HJV: variants seen among roughly 807,000 people sequenced by gnomAD.
HJV encodes hemojuvelin BMP co-receptor.
HJV carries 18 observed loss-of-function variants against 22.7 expected under a neutral mutation model. The observed-to-expected ratio is 0.79, with a 90% CI of 0.55 to 1.18. HJV has a LOEUF of 1.18. HJV is among the 50% of genes most tolerant of loss of function. HJV has a pLI of 0.00. For missense variants in HJV, 572 were observed against 553.0 expected (o/e 1.03, Z -0.34); for synonymous variants, 229 against 222.7 (o/e 1.03, Z -0.25).
rs782121676 is a variant in HJV at position 146,019,590 on chromosome 1, C to G, written c.242G>C (p.Arg81Pro). 1.2e-5 allele frequency: 20 copies of G among 1,613,462 alleles called. No individual in the cohort carries two copies. The highest frequency in any genetic ancestry group is 1.6e-4 in the Middle Eastern group (1 of 6,076). ...GCAGAGCGCATAGGAGCGGAGGGCT[C>G]GACAGAGGCCGCCAGAGCCCACCCC... The part of the protein sequence containing the change: ...GGGVGSGGLC[R>P]ALRSYALCTR... The change falls in exon 3 of 4, where the codon CGA becomes CCA. Residue 81 changes from arginine to proline, a missense_variant. Transcript: ENST00000336751.
At chr1:146,019,134 A>G in intron 3 of HJV, 41 bp downstream of exon 3, 1 of 1,508,910 alleles carries the variant, frequency 6.6e-7, no homozygotes. Flanking sequence ...CCCGTGGAAG[A>G]ATCTCATGAG....
At chr1:146,020,669 C>G (rs1652679084) in intron 1 of HJV, among the ~76,000 whole-genome samples, 1 of 152,140 alleles carries the variant, frequency 6.6e-6, no homozygotes, top group Non-Finnish European at 1.5e-5. Flanking sequence ...AGTGGGTACC[C>G]TAGTAAAATT....
rs1553769927 is a variant in HJV, at chr1:146,020,276, T to C, written c.-45A>G. 8.1e-7 allele frequency: 1 copy of C among 1,238,064 alleles called. No individual in the cohort carries two copies. Among genetic ancestry groups the C allele is most frequent in the African/African-American group, 1.5e-5 (1 of 67,580 alleles). The allele number at this position is 1,238,064 out of a possible 1,614,324, so 76.7% of individuals were successfully genotyped here. On this transcript the variant is annotated 5_prime_UTR_variant, in exon 2 of 4. Coordinates refer to ENST00000336751, the MANE Select transcript of HJV (RefSeq NM_213653.4). ...CCAGGCGCCGGTTCTTCCCAGCTGATGACCCTCCTACCTAGTGAATTTTGA... is the reference window on the plus strand; with the variant it reads ...CCAGGCGCCGGTTCTTCCCAGCTGACGACCCTCCTACCTAGTGAATTTTGA...
rs782488465 is a variant in HJV at position 146,019,668 on chromosome 1, C to A, written c.164G>T (p.Gly55Val). Residue 55 changes from glycine to valine, a missense_variant, in exon 3 of 4, where the codon GGT becomes GTT. Transcript: ENST00000336751. ...EYVSSTLSLRGGGSSGALRGG... is the reference protein window; with the variant it reads ...EYVSSTLSLRVGGSSGALRGG... The stretch of plus-strand genomic sequence containing the variant: ...TCGAAGTGCTCCTGATGAACCCCCA[C>A]CTCTAAGGCTCAGAGTGGACGATAC... 6.2e-7 allele frequency: 1 copy of A among 1,614,104 alleles called. No individual in the cohort carries two copies. The highest frequency in any genetic ancestry group is 2.2e-5 in the East Asian group (1 of 44,870).
Position 146,019,988 on chromosome 1 carries a change from G to A in HJV, c.97+147C>T, listed in dbSNP as rs977336276. On this transcript the variant is annotated intron_variant, in intron 2 of 3. Coordinates refer to ENST00000336751, the MANE Select transcript of HJV (RefSeq NM_213653.4). ...CAGTGGCCTTCCCCAGACTGAACGG[G>A]AAATAAAATATTAGTATTTGAGAGC... 6 of 799,222 alleles carry A rather than the reference G, an allele frequency of 7.5e-6. No homozygotes were observed. The Admixed American group carries it at 1.2e-4, about 16-fold the overall frequency. The allele number at this position is 799,222 out of a possible 1,614,324, so 49.5% of individuals were successfully genotyped here.
At position 146,017,953 on chromosome 1, in the gene HJV, C is replaced by A. The variant is rs1652431046; in HGVS notation, c.*124G>T. The A allele has an allele frequency of 9.1e-7, 1 of 1,101,272 alleles. No individual in the cohort carries two copies. Among genetic ancestry groups the A allele is most frequent in the Admixed American group, 2.0e-5 (1 of 49,932 alleles). 68.2% of individuals were successfully genotyped at this position (1,101,272 alleles called of 1,614,324 possible). A position where few individuals can be genotyped will look rare whatever the true frequency, so the allele number is the denominator to read the frequency against. ...CCCTGGACTGCAGCCTCATCTGACT[C>A]TGGATAATGTCATTGTTTCACGTGT... is the stretch of plus-strand genomic sequence containing the variant. On this transcript the variant is annotated 3_prime_UTR_variant, in exon 4 of 4. Coordinates refer to ENST00000336751, the MANE Select transcript of HJV (RefSeq NM_213653.4).
At chr1:146,019,036 G>A (rs1409601939) in intron 3 of HJV, 139 bp downstream of exon 3, 1 of 835,170 alleles carries the variant, frequency 1.2e-6, no homozygotes, top group Non-Finnish European at 2.1e-6. Context: ...TTGGTAGAAG[G>A]GAGTGATTCG....
chr1:146,018,067 G>A lies in HJV; in HGVS notation c.*10C>T. Reference sequence around the variant, plus strand: ...TCATTTCCAAACTAGTAATGGGACTGATGGTCCCCTTACTGAATGCAAAGC... The same window carrying A: ...TCATTTCCAAACTAGTAATGGGACTAATGGTCCCCTTACTGAATGCAAAGC... On this transcript the variant is annotated 3_prime_UTR_variant, in exon 4 of 4. Coordinates refer to ENST00000336751, the MANE Select transcript of HJV (RefSeq NM_213653.4). The A allele has an allele frequency of 6.2e-7, 1 of 1,612,850 alleles. No homozygotes were observed. The highest frequency in any genetic ancestry group is 8.5e-7 in the Non-Finnish European group (1 of 1,178,994).
chr1:146,018,511 T>C lies in HJV; in HGVS notation c.847A>G (p.Thr283Ala). The C allele has an allele frequency of 6.2e-7, 1 of 1,614,170 alleles. No homozygotes were observed. Among genetic ancestry groups the C allele is most frequent in the Non-Finnish European group, 8.5e-7 (1 of 1,180,030 alleles). The stretch of plus-strand genomic sequence containing the variant: ...GCTGTCTGCCGAATGATTATAGTTG[T>C]GCCAATGTAGGCAGCTTGGATCTCC... Reference protein sequence around the residue: ...HVEIQAAYIGTTIIIRQTAGQ... With the variant: ...HVEIQAAYIGATIIIRQTAGQ... The change falls in exon 4 of 4, where the codon ACA becomes GCA. Residue 283 changes from threonine (T) to alanine (A), a missense_variant. Physicochemically the swap from Thr to Ala is moderately conservative, Grantham distance 58. Coordinates refer to ENST00000336751, the MANE Select transcript of HJV (RefSeq NM_213653.4).
rs1553769321 is a variant in HJV at position 146,018,002 on chromosome 1, T to C, written c.*75A>G. ...GTCTCCTAGGCCCTGCTTCCTTTAA[T>C]GATTCTTTACATTCTTCTATGCCAA... On this transcript the variant is annotated 3_prime_UTR_variant, in exon 4 of 4. Transcript: ENST00000336751. The C allele has an allele frequency of 1.3e-6, 2 of 1,532,734 alleles. No individual in the cohort carries two copies. Among genetic ancestry groups the C allele is most frequent in the African/African-American group, 2.7e-5 (2 of 73,104 alleles). The allele number at this position is 1,532,734 out of a possible 1,614,324, so 94.9% of individuals were successfully genotyped here.
rs369736268 is a variant in HJV at position 146,019,580 on chromosome 1, G to A, written c.252C>T (p.Arg84=). The change falls in exon 3 of 4, where the codon CGC becomes CGT. Residue 84 remains arginine, a synonymous_variant. Transcript: ENST00000336751. ...VGSGGLCRAL[R]SYALCTRRTA... is the part of the protein sequence containing the mutation. ...TGCGCCGAGTGCAGAGCGCATAGGA[G>A]CGGAGGGCTCGACAGAGGCCGCCAG... is the stretch of plus-strand genomic sequence containing the variant. The A allele has an allele frequency of 1.2e-5, 20 of 1,613,564 alleles. No individual in the cohort carries two copies. The East Asian group carries it at 2.5e-4, about 20-fold the overall frequency.
rs1553769648 is a variant in HJV, at chr1:146,019,308, A to C, written c.524T>G (p.Val175Gly). 1 of 1,613,764 alleles carries C rather than the reference A, an allele frequency of 6.2e-7. No individual in the cohort carries two copies. The highest frequency in any genetic ancestry group is 2.2e-5 in the East Asian group (1 of 44,890). Residue 175 changes from valine (V) to glycine (G), a missense_variant, in exon 3 of 4, where the codon GTG becomes GGG. Transcript: ENST00000336751. The part of the protein sequence containing the change: ...LHCASFGDPH[V>G]RSFHHHFHTC... ...GTGAAAGTGATGGTGGAAGCTGCGC[A>C]CATGGGGGTCCCCGAAGGAAGCGCA...
rs1652470676 is a variant in HJV, at chr1:146,018,394, G to T, written c.964C>A (p.Pro322Thr). ...QDLQLCVGGC[P>T]PSQRLSRSER... Reference sequence around the variant, plus strand: ...GATCGAGAGAGTCGCTGACTTGGAGGGCACCCCCCAACACAGAGCTGCAGG... The same window carrying T: ...GATCGAGAGAGTCGCTGACTTGGAGTGCACCCCCCAACACAGAGCTGCAGG... The change falls in exon 4 of 4, where the codon CCT (proline) becomes ACT (threonine). Residue 322 changes from proline to threonine, a missense_variant. Physicochemically the swap from Pro to Thr is conservative, Grantham distance 38 (BLOSUM62 -1). Transcript: ENST00000336751. The T allele has an allele frequency of 6.2e-7, 1 of 1,614,014 alleles. No individual in the cohort carries two copies. Among genetic ancestry groups the T allele is most frequent in the Admixed American group, 1.7e-5 (1 of 59,996 alleles).
Position 146,017,642 on chromosome 1 carries a change from A to G in HJV, c.*435T>C, listed in dbSNP as rs1652414203. 1 of 228,776 alleles carries G rather than the reference A, an allele frequency of 4.4e-6. No homozygotes were observed. Among genetic ancestry groups the G allele is most frequent in the Non-Finnish European group, 9.5e-6 (1 of 105,546 alleles). The allele number at this position is 228,776 out of a possible 1,614,324, so 14.2% of individuals were successfully genotyped here. ...GAACATACCTTACACACACATATTCATCAAATAGACTTCTTTCCCTAATTA... is the reference window on the plus strand; with the variant it reads ...GAACATACCTTACACACACATATTCGTCAAATAGACTTCTTTCCCTAATTA... On this transcript the variant is annotated 3_prime_UTR_variant, in exon 4 of 4. Transcript: ENST00000336751.
rs1553769727 is a variant in HJV, at chr1:146,019,476, C to A, written c.356G>T (p.Cys119Phe). Reference protein sequence around the residue: ...GIEDLMIQHNCSRQGPTAPPP... With the variant: ...GIEDLMIQHNFSRQGPTAPPP... ...AGGGGCTGTAGGGCCCTGGCGGGAG[C>A]AGTTGTGCTGGATCATCAGGTCTTC... Residue 119 changes from cysteine to phenylalanine, a missense_variant, in exon 3 of 4, where the codon TGC becomes TTC. By Grantham distance (205) the Cys-to-Phe change is radical. Coordinates refer to ENST00000336751, the MANE Select transcript of HJV (RefSeq NM_213653.4). 1.2e-6 allele frequency: 2 copies of A among 1,612,742 alleles called. No individual in the cohort carries two copies. The highest frequency in any genetic ancestry group is 1.7e-6 in the Non-Finnish European group (2 of 1,179,872).
rs996891342 is a variant in HJV at position 146,019,450 on chromosome 1, G to A, written c.382C>T (p.Pro128Ser). The change falls in exon 3 of 4, where the codon CCC becomes TCC. Residue 128 changes from proline (P) to serine (S), a missense_variant. Coordinates refer to ENST00000336751, the MANE Select transcript of HJV (RefSeq NM_213653.4). ...GGAAGGGCGGGGCCCCGGGGCGGGGGAGGGGCTGTAGGGCCCTGGCGGGAG... is the reference window on the plus strand; with the variant it reads ...GGAAGGGCGGGGCCCCGGGGCGGGGAAGGGGCTGTAGGGCCCTGGCGGGAG... The part of the protein sequence containing the change: ...NCSRQGPTAP[P>S]PPRGPALPGA... 8 of 1,612,556 alleles carry A rather than the reference G, an allele frequency of 5.0e-6. No homozygotes were observed. Among genetic ancestry groups the A allele is most frequent in the South Asian group, 1.1e-5 (1 of 91,076 alleles).
rs1006962532 is a variant in HJV at position 146,017,529 on chromosome 1, T to C, written c.*548A>G. On this transcript the variant is annotated 3_prime_UTR_variant, in exon 4 of 4. Transcript: ENST00000336751. Reference sequence around the variant, plus strand: ...AGTTAGGGGGTAGGGATGATACTTCTGTCCTACCTGTGCCATTCTTCAAAA... The same window carrying C: ...AGTTAGGGGGTAGGGATGATACTTCCGTCCTACCTGTGCCATTCTTCAAAA... 5.7e-6 allele frequency: 1 copy of C among 175,808 alleles called. No homozygotes were observed. Among genetic ancestry groups the C allele is most frequent in the Admixed American group, 5.8e-5 (1 of 17,302 alleles). The allele number at this position is 175,808 out of a possible 1,614,324, so 10.9% of individuals were successfully genotyped here. A position where few individuals can be genotyped will look rare whatever the true frequency, so the allele number is the denominator to read the frequency against.
rs200786865 is a variant in HJV at position 146,018,106 on chromosome 1, G to A, written c.1252C>T (p.Leu418Phe). Reference protein sequence around the residue: ...ATLLAPLLSGLFVLWLCIQ With the variant: ...ATLLAPLLSGFFVLWLCIQ The stretch of plus-strand genomic sequence containing the variant: ...TGAATGCAAAGCCACAGAACAAAGA[G>A]CCCAGAAAGGAGTGGAGCTAAGAGG... The change falls in exon 4 of 4, where the codon CTC (leucine) becomes TTC (phenylalanine). Residue 418 changes from leucine to phenylalanine, a missense_variant. Coordinates refer to ENST00000336751, the MANE Select transcript of HJV (RefSeq NM_213653.4). The A allele has an allele frequency of 1.2e-6, 2 of 1,614,120 alleles. No individual in the cohort carries two copies. Among genetic ancestry groups the A allele is most frequent in the East Asian group, 2.2e-5 (1 of 44,890 alleles).
At position 146,020,134 on chromosome 1, in the gene HJV, C is replaced by T; in HGVS notation, c.97+1G>A. The stretch of plus-strand genomic sequence containing the variant: ...CAAACCCTTCCCTGGCCCTTCCTTA[C>T]CATGTCCACAGAGGAGCAGCAGGAG... On this transcript the variant is annotated splice_donor_variant, in intron 2 of 3. Coordinates refer to ENST00000336751, the MANE Select transcript of HJV (RefSeq NM_213653.4). LOFTEE classifies it high-confidence loss of function. The T allele has an allele frequency of 1.2e-6, 2 of 1,600,066 alleles. No homozygotes were observed. Among genetic ancestry groups the T allele is most frequent in the Non-Finnish European group, 1.7e-6 (2 of 1,167,180 alleles).
Sources: allele counts gnomAD v4.1 joint callset (sites outside exome capture counted in the v4.1 genomes callset), GRCh38; gene constraint gnomAD v4.1.1; transcripts MANE v1.5; gene names NCBI Gene and HGNC (gene_info 2026-07-23, HGNC 2026-07-21).